The following SCARA3 variants were observed in gnomAD, a reference collection of about 807,000 sequenced individuals.
The protein encoded by SCARA3 is cellular stress response gene protein.
In SCARA3, 39 loss-of-function variants were observed where a neutral mutation model predicts 47.0. The ratio of observed to expected loss-of-function variants is 0.83; its 90% CI spans 0.64 to 1.08. SCARA3 has a LOEUF of 1.08. Among genes scored for constraint, SCARA3 ranks in the 50% least tolerant of loss-of-function variants. The pLI, the probability that SCARA3 is intolerant of heterozygous loss-of-function variation, is 0.00. For missense variants in SCARA3, 724 were observed against 792.3 expected, an observed-to-expected ratio of 0.91 and a Z score of 1.04; for synonymous variants, 356 against 334.1, an observed-to-expected ratio of 1.07 and a Z score of -0.71.
intron 1 of SCARA3, among the ~76,000 whole-genome samples, chr8:27,634,524 G>T (rs1801207332): frequency 6.6e-6 from 1 of 152,110 alleles, no homozygotes; most frequent in Non-Finnish European, 1.5e-5. Context: ...GACGCAGAAA[G>T]GCATCACCAG....
downstream of SCARA3, among the ~76,000 whole-genome samples, chr8:27,678,750 G>T (rs892020352): frequency 3.3e-5 from 5 of 152,136 alleles, no homozygotes; most frequent in African/African-American, 1.2e-4. Flanking sequence ...TACAAGAAAA[G>T]GAAATTATAA....
downstream of SCARA3, chr8:27,680,045 A>G (rs1343413126): frequency 6.6e-6 from 1 of 152,208 alleles, no homozygotes; most frequent in African/African-American, 2.4e-5. Flanking sequence ...TAGTATTGCA[A>G]ACATAACATA....
chr8:27,707,821 C>CA, the SCARA3 span, among the ~76,000 whole-genome samples: 12,642 of 142,354 alleles, frequency 0.089, 645 homozygotes, highest in Non-Finnish European at 0.12. Flanking sequence ...GAAAAACTTC[C>CA]AAAAAAAAAA....
chr8:27,711,709 C>T, the SCARA3 span, among the ~76,000 whole-genome samples: 2 of 151,888 alleles, frequency 1.3e-5, no homozygotes, highest in African/African-American at 4.8e-5. Context: ...TTTAAAATAA[C>T]AAAAACTTAT....
chr8:27,716,785 T>A, the SCARA3 span, among the ~76,000 whole-genome samples: 1 of 152,152 alleles, frequency 6.6e-6, no homozygotes, highest in Non-Finnish European at 1.5e-5. Context: ...CCATGCCAAA[T>A]AGCACTTCAG....
chr8:27,671,234 G>A lies in SCARA3; in HGVS notation c.1704G>A (p.Gly568=). 1 of 1,503,240 alleles carries A rather than the reference G, an allele frequency of 6.7e-7. No individual in the cohort carries two copies. The allele number at this position is 1,503,240 out of a possible 1,614,324, so 93.1% of individuals were successfully genotyped here. A position where few individuals can be genotyped will look rare whatever the true frequency, so the allele number is the denominator to read the frequency against. The change falls in exon 6 of 6, where the codon GGG becomes GGA. Residue 568 remains glycine (G), a synonymous_variant. Transcript: ENST00000301904. ...SGPQGKPGIA[G]KTGSPGQRGA... ...CTCAGGGAAAACCGGGAATTGCAGG[G>A]AAGACAGGGTCACCAGGCCAGCGGG...
At chr8:27,731,823 T>C in the SCARA3 span, among the ~76,000 whole-genome samples, 1 of 152,116 alleles carries the variant, frequency 6.6e-6, no homozygotes, top group African/African-American at 2.4e-5. Flanking sequence ...GGAAGGGACA[T>C]TACATGAAGA....
chr8:27,725,936 C>T, the SCARA3 span, among the ~76,000 whole-genome samples: 1 of 152,176 alleles, frequency 6.6e-6, no homozygotes, highest in African/African-American at 2.4e-5. Context: ...ATGAATTCAA[C>T]TTGTACTGTG....
the SCARA3 span, among the ~76,000 whole-genome samples, chr8:27,731,079 T>A: frequency 1.3e-5 from 2 of 149,086 alleles, no homozygotes; most frequent in Non-Finnish European, 3.0e-5. Flanking sequence ...GTGTTTTGTT[T>A]ACCCGCTTTT....
chr8:27,726,525 C>T, the SCARA3 span, among the ~76,000 whole-genome samples: 1,590 of 152,116 alleles, frequency 0.01, 23 homozygotes, highest in African/African-American at 0.036. Context: ...GGTGAAACCC[C>T]GTCTCTACTA....
At chr8:27,726,120 T>C in the SCARA3 span, among the ~76,000 whole-genome samples, 1 of 152,158 alleles carries the variant, frequency 6.6e-6, no homozygotes, top group Non-Finnish European at 1.5e-5. Context: ...TATGAGTCTA[T>C]GAAACCTGTG....
Position 27,656,881 on chromosome 8 carries a change from G to T in SCARA3, c.325+1G>T. Reference sequence around the variant, plus strand: ...ATGCAGAAAAATCTCCAGGGCCTGGGTAAGTAGATGGGCTGATGACTGTGA... The same window carrying T: ...ATGCAGAAAAATCTCCAGGGCCTGGTTAAGTAGATGGGCTGATGACTGTGA... On this transcript the variant is annotated splice_donor_variant, in intron 4 of 5. Coordinates refer to ENST00000301904, the MANE Select transcript of SCARA3 (RefSeq NM_016240.3). LOFTEE classifies it high-confidence loss of function. 1.9e-6 allele frequency: 3 copies of T among 1,569,414 alleles called. No homozygotes were observed. Among genetic ancestry groups the T allele is most frequent in the Non-Finnish European group, 2.6e-6 (3 of 1,139,088 alleles).
chr8:27,674,829 A>G (rs917759088), downstream of SCARA3, among the ~76,000 whole-genome samples: 1 of 150,242 alleles, frequency 6.7e-6, no homozygotes, highest in Non-Finnish European at 1.5e-5. Flanking sequence ...CCTGGGTTCA[A>G]GTGATTCTCC....
chr8:27,673,893 G>C (rs1802221248), downstream of SCARA3, among the ~76,000 whole-genome samples: 1 of 152,184 alleles, frequency 6.6e-6, no homozygotes, highest in Non-Finnish European at 1.5e-5. Context: ...ACCTGGGGGA[G>C]TCTGAGGCTC....
At position 27,658,662 on chromosome 8, in the gene SCARA3, C is replaced by T; in HGVS notation, c.492C>T (p.Ser164=). ...CCCAGGAGGTGCTCTCCACCACCAG[C>T]AGACAAATCTCCCAGGAGATGGGCA... ...LQAQEVLSTT[S]RQISQEMGSC... is the part of the protein sequence containing the mutation. The change falls in exon 5 of 6, where the codon AGC becomes AGT. Residue 164 remains serine (S), a synonymous_variant. Coordinates refer to ENST00000301904, the MANE Select transcript of SCARA3 (RefSeq NM_016240.3). 1 of 1,614,110 alleles carries T rather than the reference C, an allele frequency of 6.2e-7. No individual in the cohort carries two copies. The highest frequency in any genetic ancestry group is 8.5e-7 in the Non-Finnish European group (1 of 1,179,996).
intron 1 of SCARA3, among the ~76,000 whole-genome samples, chr8:27,646,965 C>CGT (rs1563402910): frequency 4.1e-5 from 2 of 48,316 alleles, no homozygotes; most frequent in African/African-American, 1.4e-4. Context: ...CACCCCTGAC[C>CGT]GCCCCCGCCC....
At chr8:27,693,665 C>A in the SCARA3 span, among the ~76,000 whole-genome samples, 113 of 152,274 alleles carry the variant, frequency 7.4e-4, no homozygotes, top group African/African-American at 2.7e-3. Flanking sequence ...CCTCATTATA[C>A]CCCTCAGCAT....
the SCARA3 span, among the ~76,000 whole-genome samples, chr8:27,706,271 A>G: frequency 6.6e-6 from 1 of 152,172 alleles, no homozygotes; most frequent in Admixed American, 6.5e-5. Flanking sequence ...CTCCTGCCTC[A>G]GCCTCCCGAG....
At position 27,659,471 on chromosome 8, in the gene SCARA3, T is replaced by C; in HGVS notation, c.1301T>C (p.Ile434Thr). Residue 434 changes from isoleucine to threonine, a missense_variant, in exon 5 of 6, where the codon ATC becomes ACC. Physicochemically the swap from Ile to Thr is moderately conservative, Grantham distance 89 (BLOSUM62 -1). Coordinates refer to ENST00000301904, the MANE Select transcript of SCARA3 (RefSeq NM_016240.3). ...CTCAACGTCCGGAACCTCTCCATGA[T>C]CGTGGAGGAGATGAAGGCAGTGGAC... The part of the protein sequence containing the change: ...LDLNVRNLSM[I>T]VEEMKAVDTQ... 1 of 1,613,966 alleles carries C rather than the reference T, an allele frequency of 6.2e-7. No homozygotes were observed. The highest frequency in any genetic ancestry group is 8.5e-7 in the Non-Finnish European group (1 of 1,179,966).
Sources: allele counts gnomAD v4.1 joint callset (sites outside exome capture counted in the v4.1 genomes callset), GRCh38; gene constraint gnomAD v4.1.1; transcripts MANE v1.5; gene names NCBI Gene and HGNC (gene_info 2026-07-23, HGNC 2026-07-21).